Variants in IQCK observed in about 807,000 individuals in gnomAD.
The protein encoded by IQCK is IQ domain-containing protein K.
A neutral mutation model predicts 28.1 loss-of-function variants in IQCK; 29 were observed. The observed-to-expected ratio is 1.03, with a 90% CI of 0.77 to 1.41. The LOEUF (loss-of-function observed/expected upper bound fraction) is 1.41, where lower values mean the gene tolerates loss of function less well. Among genes scored for constraint, IQCK ranks in the 40% most tolerant of loss-of-function variants. The pLI is 0.00. For synonymous variants in IQCK, 113 were observed against 115.1 expected (o/e 0.98, Z 0.12); for missense variants, 359 against 314.7 (o/e 1.14, Z -1.07).
chr16:19,751,700 T>C (rs1305515242), intron 4 of IQCK, among the ~76,000 whole-genome samples: 3 of 151,566 alleles, frequency 2.0e-5, no homozygotes, highest in African/African-American at 7.3e-5. Flanking sequence ...GCATGCCTTC[T>C]CCAAGCAGAG....
At chr16:19,817,116 T>C (rs546371116) in intron 7 of IQCK, among the ~76,000 whole-genome samples, 2 of 152,194 alleles carry the variant, frequency 1.3e-5, no homozygotes, top group Admixed American at 1.3e-4. Flanking sequence ...GGCATTTTTT[T>C]AAAAAAACTG....
chr16:19,752,110 T>C (rs1472664361), intron 4 of IQCK, among the ~76,000 whole-genome samples: 1 of 152,214 alleles, frequency 6.6e-6, no homozygotes, highest in Non-Finnish European at 1.5e-5. Context: ...GATGTGTAAA[T>C]AGCATTATGA....
intron 6 of IQCK, among the ~76,000 whole-genome samples, chr16:19,784,373 A>G (rs1190809624): frequency 6.6e-6 from 1 of 152,150 alleles, no homozygotes; most frequent in African/African-American, 2.4e-5. Context: ...GAAATGCTCA[A>G]TGACCTTGAA....
intron 4 of IQCK, among the ~76,000 whole-genome samples, chr16:19,741,078 G>C (rs2054827472): frequency 6.6e-6 from 1 of 152,086 alleles, no homozygotes; most frequent in Admixed American, 6.6e-5. Context: ...TGATCATGAG[G>C]CCAGACCCCA....
Position 19,824,108 on chromosome 16 carries a change from T to A in IQCK, c.691-2918T>A, listed in dbSNP as rs148043413. Among the ~76,000 whole-genome samples, 659 of 152,288 alleles carry A rather than the reference T, an allele frequency of 4.3e-3. 6 individuals carry two copies. The highest frequency in any genetic ancestry group is 0.015 in the African/African-American group (624 of 41,562). ...CGTTACATTTATTGTGTACTTTCTT[T>A]CTATTATTATTACATTGTAATATGT... On this transcript the variant is annotated intron_variant, in intron 7 of 7. Transcript: ENST00000564186.
chr16:19,743,442 A>G (rs922018219), intron 4 of IQCK, among the ~76,000 whole-genome samples: 5 of 152,206 alleles, frequency 3.3e-5, no homozygotes, highest in African/African-American at 1.2e-4. Context: ...TTCACAGACA[A>G]TGGAGAGCCA....
chr16:19,761,440 G>C (rs1303495879), intron 4 of IQCK: 1 of 454,440 alleles, frequency 2.2e-6, no homozygotes. Flanking sequence ...AGGCTAGGGA[G>C]GGTGGATCTG....
chr16:19,759,056 T>C (rs923069203), intron 4 of IQCK, among the ~76,000 whole-genome samples: 4 of 152,210 alleles, frequency 2.6e-5, no homozygotes, highest in Non-Finnish European at 5.9e-5. Flanking sequence ...TCTACAATTA[T>C]ATTAGCAATT....
At chr16:19,725,527 T>C (rs955869858) in intron 1 of IQCK, among the ~76,000 whole-genome samples, 5 of 152,204 alleles carry the variant, frequency 3.3e-5, no homozygotes, top group African/African-American at 1.2e-4. Context: ...GTATTTCTAA[T>C]GCAGAACAGA....
intron 4 of IQCK, among the ~76,000 whole-genome samples, chr16:19,737,359 C>A (rs771465673): frequency 2.0e-5 from 3 of 152,054 alleles, no homozygotes; most frequent in Non-Finnish European, 2.9e-5. Context: ...TAAGGTTTTC[C>A]CATGTTCTAG....
intron 6 of IQCK, among the ~76,000 whole-genome samples, chr16:19,780,687 T>TA (rs2055468978): frequency 6.6e-6 from 1 of 152,218 alleles, no homozygotes; most frequent in Non-Finnish European, 1.5e-5. Context: ...GTTTCCATAG[T>TA]ATCTGTGAGT....
At chr16:19,775,970 C>T (rs1028340934) in intron 6 of IQCK, among the ~76,000 whole-genome samples, 2 of 148,104 alleles carry the variant, frequency 1.4e-5, no homozygotes, top group Non-Finnish European at 3.0e-5. Flanking sequence ...CAATCTCTGC[C>T]TCCCCATTTC....
intron 7 of IQCK, among the ~76,000 whole-genome samples, chr16:19,814,126 A>C (rs1050225831): frequency 6.7e-6 from 1 of 148,568 alleles, no homozygotes; most frequent in Non-Finnish European, 1.5e-5. Context: ...AGGCTGAGGC[A>C]GGAGAATTGC....
chr16:19,763,086 G>C (rs952644564), intron 4 of IQCK, among the ~76,000 whole-genome samples: 2 of 152,034 alleles, frequency 1.3e-5, no homozygotes, highest in South Asian at 4.1e-4. Flanking sequence ...GCCTACTGTT[G>C]ACTTAACAGT....
intron 9 of IQCK, among the ~76,000 whole-genome samples, chr16:19,850,784 G>A (rs978958653): frequency 2.6e-5 from 4 of 152,168 alleles, no homozygotes; most frequent in Non-Finnish European, 5.9e-5. Flanking sequence ...GGAGGCTGAG[G>A]CAGGAGGACT....
intron 7 of IQCK, 67 bp from the exon 8 acceptor site, chr16:19,826,959 C>T (rs1416841506): frequency 2.0e-6 from 2 of 975,782 alleles, no homozygotes; most frequent in Non-Finnish European, 1.6e-6. Flanking sequence ...ATTTTCCATG[C>T]AGGGTTAATA....
chr16:19,743,538 A>T (rs920855161), intron 4 of IQCK, among the ~76,000 whole-genome samples: 1 of 152,238 alleles, frequency 6.6e-6, no homozygotes, highest in African/African-American at 2.4e-5. Flanking sequence ...CATTCTAAGC[A>T]CTTTACCTGC....
intron 1 of IQCK, among the ~76,000 whole-genome samples, chr16:19,720,681 T>C (rs903883454): frequency 3.3e-5 from 5 of 152,210 alleles, no homozygotes; most frequent in Non-Finnish European, 7.3e-5. Context: ...TTTGGTTCTC[T>C]CTGAAGAGCA....
chr16:19,836,750 G>A (rs951342200), intron 9 of IQCK, among the ~76,000 whole-genome samples: 8 of 152,304 alleles, frequency 5.3e-5, no homozygotes, highest in Non-Finnish European at 8.8e-5. Flanking sequence ...TTGACTTTGT[G>A]ATCCGCCCGC....
Sources: gnomAD v4.1 joint callset for allele counts (sites outside exome capture counted in the v4.1 genomes callset) on GRCh38, gnomAD v4.1.1 for gene constraint, MANE v1.5 for transcripts, NCBI Gene and HGNC (gene_info 2026-07-23, HGNC 2026-07-21) for gene names.